Variants in LMNTD1 observed in about 807,000 individuals in gnomAD.
LMNTD1 encodes lamin tail domain containing 1.
A neutral mutation model predicts 50.9 loss-of-function variants in LMNTD1; 35 were observed. The ratio of observed to expected loss-of-function variants is 0.69; its 90% CI spans 0.53 to 0.91. The LOEUF (loss-of-function observed/expected upper bound fraction) is 0.91, where lower values mean the gene tolerates loss of function less well. Among genes scored for constraint, LMNTD1 ranks in the 40% least tolerant of loss-of-function variants. The pLI is 0.00. For synonymous variants in LMNTD1, 153 were observed against 161.9 expected (o/e 0.94, Z 0.42); for missense variants, 470 against 475.5 (o/e 0.99, Z 0.11).
At chr12:25,574,706 T>C (rs1035078382) in intron 1 of LMNTD1, among the ~76,000 whole-genome samples, 8 of 152,188 alleles carry the variant, frequency 5.3e-5, no homozygotes, top group African/African-American at 1.9e-4. Context: ...TTTTTGTGTA[T>C]GCCTTATCTA....
intron 4 of LMNTD1, among the ~76,000 whole-genome samples, chr12:25,535,529 T>C (rs560886118): frequency 2.6e-5 from 4 of 151,832 alleles, no homozygotes; most frequent in South Asian, 2.1e-4. Context: ...CATAATCAAA[T>C]CTCCCAAAAA....
chr12:25,550,535 C>T (rs1202508009), intron 2 of LMNTD1, among the ~76,000 whole-genome samples: 1 of 152,196 alleles, frequency 6.6e-6, no homozygotes, highest in Non-Finnish European at 1.5e-5. Context: ...TATCTATCCA[C>T]TATAAGTCAG....
intron 1 of LMNTD1, among the ~76,000 whole-genome samples, chr12:25,610,918 T>C (rs971123219): frequency 2.6e-5 from 4 of 152,094 alleles, no homozygotes; most frequent in Admixed American, 6.6e-5. Context: ...TGAAGGAAAA[T>C]TGGGAAGCCA....
Position 25,526,133 on chromosome 12 carries a change from T to A in LMNTD1, c.764A>T (p.Asp255Val). ...KEQDKFRASP[D>V]CITILCKPNG... ...CGGTTTGCACAGGATTGTTATACAA[T>A]CAGGACTTGCTCTAAACTTGTCTTG... The change falls in exon 6 of 10, where the codon GAT (aspartate) becomes GTT (valine). Residue 255 changes from aspartate to valine, a missense_variant. Coordinates refer to ENST00000458174, the MANE Select transcript of LMNTD1 (RefSeq NM_001145728.2). 1.9e-6 allele frequency: 3 copies of A among 1,609,496 alleles called. No individual in the cohort carries two copies. The highest frequency in any genetic ancestry group is 2.5e-6 in the Non-Finnish European group (3 of 1,177,576).
rs572950316 is a variant in LMNTD1 at position 25,612,815 on chromosome 12, G to C, written c.58+35679C>G. Among the ~76,000 whole-genome samples the C allele has an allele frequency of 5.9e-5, 9 of 152,310 alleles. No individual in the cohort carries two copies. The South Asian group carries it at 1.2e-3, about 21-fold the overall frequency. ...ATCTAGGTCTTAATTTCTGGAACCT[G>C]TGAAAGTTACCTTATATGGCAAAAG... On this transcript the variant is annotated intron_variant, in intron 1 of 7. Coordinates refer to the LMNTD1 transcript ENST00000445693.
chr12:25,560,135 G>A (rs1365653383), intron 1 of LMNTD1, among the ~76,000 whole-genome samples: 1 of 152,172 alleles, frequency 6.6e-6, no homozygotes, highest in Non-Finnish European at 1.5e-5. Context: ...TGTCCTGAAT[G>A]GTATTGCCTA....
chr12:25,597,839 G>T (rs1398653994), intron 1 of LMNTD1, among the ~76,000 whole-genome samples: 1 of 152,088 alleles, frequency 6.6e-6, no homozygotes, highest in Non-Finnish European at 1.5e-5. Context: ...ATTAATAAGA[G>T]AAATTTTGGA....
chr12:25,567,291 AGT>A (rs1346374759), intron 1 of LMNTD1, among the ~76,000 whole-genome samples: 1 of 152,046 alleles, frequency 6.6e-6, no homozygotes, highest in Non-Finnish European at 1.5e-5. Context: ...TATTATTCTT[AGT>A]GTTTATTGTT....
intron 1 of LMNTD1, among the ~76,000 whole-genome samples, chr12:25,580,977 A>G (rs776257506): frequency 6.6e-6 from 1 of 152,186 alleles, no homozygotes; most frequent in African/African-American, 2.4e-5. Flanking sequence ...ATGGCATATA[A>G]TCCCCCATGA....
chr12:25,503,107 G>A (rs928774131), intron 9 of LMNTD1: 13 of 152,306 alleles, frequency 8.5e-5, no homozygotes, highest in South Asian at 2.1e-4. Flanking sequence ...GGGCAACAAA[G>A]AATGTGAACT....
intron 1 of LMNTD1, among the ~76,000 whole-genome samples, chr12:25,612,039 T>C (rs920453952): frequency 1.3e-5 from 2 of 152,168 alleles, no homozygotes; most frequent in African/African-American, 2.4e-5. Context: ...ATTAAGCTTG[T>C]TTTACCATCT....
intron 6 of LMNTD1, among the ~76,000 whole-genome samples, chr12:25,524,986 A>G (rs1371858588): frequency 6.6e-6 from 1 of 152,146 alleles, no homozygotes; most frequent in Non-Finnish European, 1.5e-5. Context: ...CCATCTCAAC[A>G]TAGATTATAT....
intron 4 of LMNTD1, among the ~76,000 whole-genome samples, chr12:25,528,207 G>A (rs1194276797): frequency 6.6e-6 from 1 of 152,144 alleles, no homozygotes; most frequent in African/African-American, 2.4e-5. Context: ...AAAAAAATGT[G>A]AGGAACACTG....
intron 6 of LMNTD1, among the ~76,000 whole-genome samples, chr12:25,524,466 G>C (rs576561378): frequency 6.6e-6 from 1 of 152,254 alleles, no homozygotes; most frequent in Admixed American, 6.5e-5. Flanking sequence ...TAAAATCACT[G>C]GGTAAAAGGA....
rs111427697 is a variant in LMNTD1, at chr12:25,615,431, C to T, written c.58+33063G>A. Among the ~76,000 whole-genome samples the T allele has an allele frequency of 4.2e-3, 639 of 152,096 alleles. 5 individuals carry two copies. Among genetic ancestry groups the T allele is most frequent in the African/African-American group, 0.015 (629 of 41,426 alleles). ...CAACGTTCAGAAGAGAGCCATATAG[C>T]AGAACCATATCCTTTTTTTAATTTT... On this transcript the variant is annotated intron_variant, in intron 1 of 7. Transcript: ENST00000445693.
intron 8 of LMNTD1, among the ~76,000 whole-genome samples, chr12:25,517,974 T>G (rs1182034036): frequency 2.6e-5 from 4 of 152,106 alleles, no homozygotes; most frequent in Non-Finnish European, 5.9e-5. Flanking sequence ...TCATGAGTAG[T>G]GGAAATTGCT....
At chr12:25,583,615 T>C (rs1398288054) in intron 1 of LMNTD1, among the ~76,000 whole-genome samples, 1 of 152,232 alleles carries the variant, frequency 6.6e-6, no homozygotes, top group African/African-American at 2.4e-5. Context: ...TCTAATATTT[T>C]GTCCTTGTAA....
chr12:25,587,968 G>A (rs979455088), intron 1 of LMNTD1, among the ~76,000 whole-genome samples: 2 of 152,102 alleles, frequency 1.3e-5, no homozygotes, highest in Non-Finnish European at 1.5e-5. Flanking sequence ...AGGCACCATG[G>A]TCTTGGGCAG....
At chr12:25,548,646 G>A (rs2136236237) in intron 3 of LMNTD1, among the ~76,000 whole-genome samples, 1 of 152,044 alleles carries the variant, frequency 6.6e-6, no homozygotes, top group Non-Finnish European at 1.5e-5. Flanking sequence ...TAGAAAAACA[G>A]TAGGTCCTGT....
Sources: gnomAD v4.1 joint callset for allele counts (sites outside exome capture counted in the v4.1 genomes callset) on GRCh38, gnomAD v4.1.1 for gene constraint, MANE v1.5 for transcripts, NCBI Gene and HGNC (gene_info 2026-07-23, HGNC 2026-07-21) for gene names.